Variants in FAM83B observed in about 807,000 individuals in gnomAD.
FAM83B encodes scaffolding CK1 anchoring protein B, also known as protein FAM83B.
Under a neutral mutation model 38.8 loss-of-function variants are expected in FAM83B, and 26 were observed. That is an observed-to-expected ratio of 0.67 (90% CI 0.49 to 0.93). The LOEUF (loss-of-function observed/expected upper bound fraction) is 0.93. FAM83B is among the 40% of genes least tolerant of loss of function. The probability of loss-of-function intolerance (pLI) is 0.00; values close to 1 mark genes in which losing one functional copy is unlikely to be tolerated. For synonymous variants in FAM83B, 419 were observed against 423.1 expected (o/e 0.99, Z 0.12); for missense variants, 1,237 against 1,197.3 (o/e 1.03, Z -0.49).
At chr6:54,911,680 G>T (rs757610666) in intron 2 of FAM83B, among the ~76,000 whole-genome samples, 2 of 151,622 alleles carry the variant, frequency 1.3e-5, no homozygotes, top group Non-Finnish European at 2.9e-5. Context: ...TTTTTCCTTC[G>T]CTGTGACTAT....
intron 1 of FAM83B, among the ~76,000 whole-genome samples, chr6:54,847,398 A>T (rs753371893): frequency 4.7e-5 from 7 of 150,434 alleles, no homozygotes; most frequent in Non-Finnish European, 1.0e-4. Flanking sequence ...ATTGTACAGG[A>T]TCCCGTTTCT....
At chr6:54,906,932 C>A (rs1772788773) in intron 2 of FAM83B, among the ~76,000 whole-genome samples, 1 of 152,066 alleles carries the variant, frequency 6.6e-6, no homozygotes, top group East Asian at 1.9e-4. Flanking sequence ...TATTTGTGAA[C>A]CCTTTTGGTT....
intron 4 of FAM83B, among the ~76,000 whole-genome samples, chr6:54,929,959 T>G (rs1273007395): frequency 6.6e-6 from 1 of 152,176 alleles, no homozygotes; most frequent in Admixed American, 6.6e-5. Context: ...ATGCAGTTGC[T>G]CAATTCTTTT....
intron 2 of FAM83B, among the ~76,000 whole-genome samples, chr6:54,886,418 T>G (rs1330475292): frequency 6.6e-6 from 1 of 152,160 alleles, no homozygotes; most frequent in Non-Finnish European, 1.5e-5. Context: ...GTCTTTTTTA[T>G]GAGCCTAATT....
At chr6:54,913,886 TG>T (rs1207851122) in intron 2 of FAM83B, among the ~76,000 whole-genome samples, 1 of 150,740 alleles carries the variant, frequency 6.6e-6, no homozygotes, top group Non-Finnish European at 1.5e-5. Context: ...TGTTTCAATG[TG>T]ATTGTCTTTT....
rs114419969 is a variant in FAM83B at position 54,941,788 on chromosome 6, G to A, written c.2817G>A (p.Pro939=). ...TDRRVYSRFE[P]FCKIESSIQP... Reference sequence around the variant, plus strand: ...GGCGTGTTTACAGTCGTTTTGAGCCGTTTTGTAAGATTGAGAGCTCTATTC... The same window carrying A: ...GGCGTGTTTACAGTCGTTTTGAGCCATTTTGTAAGATTGAGAGCTCTATTC... Residue 939 remains proline (P), a synonymous_variant, in exon 5 of 5, where the codon CCG becomes CCA. Coordinates refer to ENST00000306858, the MANE Select transcript of FAM83B (RefSeq NM_001010872.3). The A allele has an allele frequency of 6.9e-4, 1,113 of 1,614,014 alleles. 7 individuals carry two copies. In the African/African-American group the frequency reaches 0.011, roughly 15 times the overall value.
At chr6:54,852,303 G>A (rs1445643774) in intron 1 of FAM83B, among the ~76,000 whole-genome samples, 4 of 152,140 alleles carry the variant, frequency 2.6e-5, no homozygotes, top group Non-Finnish European at 4.4e-5. Context: ...TGCTCACTTT[G>A]TGTCTCTGTG....
intron 2 of FAM83B, among the ~76,000 whole-genome samples, chr6:54,889,051 C>T (rs1244572868): frequency 6.6e-6 from 1 of 151,828 alleles, no homozygotes; most frequent in Admixed American, 6.6e-5. Flanking sequence ...ACTATTAAAC[C>T]CATCTGTTGA....
intron 2 of FAM83B, among the ~76,000 whole-genome samples, chr6:54,872,971 G>A (rs1331726298): frequency 6.7e-6 from 1 of 150,256 alleles, no homozygotes; most frequent in East Asian, 2.0e-4. Flanking sequence ...TATAACAGAC[G>A]ACTTCGATTT....
At chr6:54,886,019 A>G (rs182326424) in intron 2 of FAM83B, among the ~76,000 whole-genome samples, 1 of 152,120 alleles carries the variant, frequency 6.6e-6, no homozygotes, top group East Asian at 1.9e-4. Flanking sequence ...TTCTATTCTT[A>G]AAGAGTTTTT....
In FAM83B at chr6:54,941,032, A is replaced by G; in HGVS notation, c.2061A>G (p.Thr687=). Residue 687 remains threonine, a synonymous_variant, in exon 5 of 5, where the codon ACA becomes ACG. Coordinates refer to ENST00000306858, the MANE Select transcript of FAM83B (RefSeq NM_001010872.3). Reference sequence around the variant, plus strand: ...ATAGTAAGCATTATGTATATAGTACACTTACCAGGAATCGAGTTAGACAAC... The same window carrying G: ...ATAGTAAGCATTATGTATATAGTACGCTTACCAGGAATCGAGTTAGACAAC... ...PGNSKHYVYS[T]LTRNRVRQPE... 2 of 1,613,816 alleles carry G rather than the reference A, an allele frequency of 1.2e-6. No homozygotes were observed. The highest frequency in any genetic ancestry group is 1.7e-6 in the Non-Finnish European group (2 of 1,179,942).
Position 54,940,219 on chromosome 6 carries a change from G to T in FAM83B, c.1248G>T (p.Trp416Cys), listed in dbSNP as rs779268613. The change falls in exon 5 of 5, where the codon TGG (tryptophan) becomes TGT (cysteine). Residue 416 changes from tryptophan to cysteine, a missense_variant. Trp to Cys is a radical substitution (Grantham distance 215). Transcript: ENST00000306858. Reference sequence around the variant, plus strand: ...GAACCAATAATCCACCTGGTAATTGGAAAAAGCCATCTGATAGTCTCAGTG... The same window carrying T: ...GAACCAATAATCCACCTGGTAATTGTAAAAAGCCATCTGATAGTCTCAGTG... ...LNRTNNPPGN[W>C]KKPSDSLSVA... The T allele has an allele frequency of 6.2e-7, 1 of 1,613,998 alleles. No individual in the cohort carries two copies.
rs181332944 is a variant in FAM83B, at chr6:54,932,433, G to A, written c.734+4801G>A. Among the ~76,000 whole-genome samples, 249 of 152,064 alleles carry A rather than the reference G, an allele frequency of 1.6e-3. 1 individual carries two copies. The highest frequency in any genetic ancestry group is 5.2e-3 in the African/African-American group (216 of 41,488). ...TTACATAATTGTTGCTCCAAATTAC[G>A]TATTTATGTATTGTATAGCAATGAA... is the stretch of plus-strand genomic sequence containing the variant. On this transcript the variant is annotated intron_variant, in intron 4 of 4. Transcript: ENST00000306858.
intron 2 of FAM83B, among the ~76,000 whole-genome samples, chr6:54,886,762 C>T (rs984952739): frequency 1.3e-5 from 2 of 150,902 alleles, no homozygotes; most frequent in South Asian, 2.1e-4. Context: ...TTCTATTTTA[C>T]GTTGTATTAT....
At chr6:54,865,652 T>C (rs1035013524) in intron 1 of FAM83B, among the ~76,000 whole-genome samples, 3 of 152,146 alleles carry the variant, frequency 2.0e-5, no homozygotes, top group African/African-American at 7.2e-5. Flanking sequence ...CTGACTTTGG[T>C]TTATTGGCTT....
intron 1 of FAM83B, among the ~76,000 whole-genome samples, chr6:54,865,372 A>G (rs915058412): frequency 1.3e-5 from 2 of 152,116 alleles, no homozygotes; most frequent in Non-Finnish European, 2.9e-5. Flanking sequence ...CCTTATAGAC[A>G]CAAGTCATAT....
chr6:54,852,748 G>C (rs1771334422), intron 1 of FAM83B, among the ~76,000 whole-genome samples: 1 of 152,148 alleles, frequency 6.6e-6, no homozygotes, highest in Non-Finnish European at 1.5e-5. Context: ...AATTAAAAGT[G>C]CTACTCCAGT....
At chr6:54,857,352 C>T (rs1771468256) in intron 1 of FAM83B, among the ~76,000 whole-genome samples, 1 of 152,100 alleles carries the variant, frequency 6.6e-6, no homozygotes, top group African/African-American at 2.4e-5. Context: ...CTCCATGGGG[C>T]TCTTGTTGCC....
intron 2 of FAM83B, among the ~76,000 whole-genome samples, chr6:54,910,001 T>C (rs1233852188): frequency 2.0e-5 from 3 of 152,208 alleles, no homozygotes; most frequent in African/African-American, 7.2e-5. Flanking sequence ...AGTTAACTTT[T>C]GGTAGACACT....
Sources: gnomAD v4.1 joint callset for allele counts (sites outside exome capture counted in the v4.1 genomes callset) on GRCh38, gnomAD v4.1.1 for gene constraint, MANE v1.5 for transcripts, NCBI Gene and HGNC (gene_info 2026-07-23, HGNC 2026-07-21) for gene names.